The following ANKS1B variants were observed in gnomAD, a reference collection of about 807,000 sequenced individuals.
ANKS1B encodes ankyrin repeat and sterile alpha motif domain-containing protein 1B.
Under a neutral mutation model 148.3 loss-of-function variants are expected in ANKS1B, and 36 were observed. The observed-to-expected ratio is 0.24, with a 90% CI of 0.19 to 0.32. The LOEUF (loss-of-function observed/expected upper bound fraction) is 0.32, where lower values mean the gene tolerates loss of function less well. ANKS1B is among the 10% of genes least tolerant of loss of function. The pLI is 1.00. For synonymous variants in ANKS1B, 542 were observed against 560.8 expected, an observed-to-expected ratio of 0.97 and a Z score of 0.47; for missense variants, 1,157 against 1,542.6, an observed-to-expected ratio of 0.75 and a Z score of 4.19.
chr12:99,484,367 G>A (rs1233702812), intron 10 of ANKS1B, among the ~76,000 whole-genome samples: 1 of 151,684 alleles, frequency 6.6e-6, no homozygotes, highest in African/African-American at 2.4e-5. Context: ...AGACACTTAT[G>A]ATTTCGATTT....
intron 17 of ANKS1B, among the ~76,000 whole-genome samples, chr12:99,042,974 T>C (rs188248303): frequency 1.3e-5 from 2 of 152,340 alleles, no homozygotes; most frequent in East Asian, 3.9e-4. Flanking sequence ...AGACCTTGTG[T>C]TCCCATTTGG....
At chr12:99,461,939 T>G (rs1469675231) in intron 10 of ANKS1B, among the ~76,000 whole-genome samples, 1 of 152,244 alleles carries the variant, frequency 6.6e-6, no homozygotes, top group African/African-American at 2.4e-5. Flanking sequence ...ATCTATTGTT[T>G]AATCCCATCT....
At chr12:98,905,595 C>A (rs890873509) in intron 17 of ANKS1B, among the ~76,000 whole-genome samples, 4 of 151,948 alleles carry the variant, frequency 2.6e-5, no homozygotes, top group Admixed American at 1.3e-4. Flanking sequence ...CATAGCGAGA[C>A]CCCATATCTA....
At chr12:98,778,085 A>G (rs1156488714) in intron 24 of ANKS1B, among the ~76,000 whole-genome samples, 1 of 152,244 alleles carries the variant, frequency 6.6e-6, no homozygotes, top group African/African-American at 2.4e-5. Flanking sequence ...CCAGCTGCCC[A>G]GGGCAGATTA....
intron 9 of ANKS1B, among the ~76,000 whole-genome samples, chr12:99,561,100 C>A (rs1354442992): frequency 6.6e-6 from 1 of 152,060 alleles, no homozygotes; most frequent in South Asian, 2.1e-4. Context: ...CCCGCCTCGG[C>A]CTCCCAAAGT....
chr12:98,875,711 C>T (rs550987600), intron 17 of ANKS1B, among the ~76,000 whole-genome samples: 4 of 152,188 alleles, frequency 2.6e-5, no homozygotes, highest in Admixed American at 1.3e-4. Context: ...ACAGTAGGCC[C>T]GTATGTACAT....
At chr12:99,907,408 T>G (rs1440306603) in intron 1 of ANKS1B, among the ~76,000 whole-genome samples, 4 of 152,190 alleles carry the variant, frequency 2.6e-5, no homozygotes, top group African/African-American at 9.6e-5. Context: ...GTCAAAAGCA[T>G]GACTTGAAAA....
intron 8 of ANKS1B, among the ~76,000 whole-genome samples, chr12:99,688,094 T>G (rs2098659586): frequency 6.6e-6 from 1 of 152,220 alleles, no homozygotes; most frequent in Non-Finnish European, 1.5e-5. Context: ...GCCTTGTATC[T>G]TACAATTTAG....
chr12:99,168,708 G>T (rs541810710), intron 14 of ANKS1B, among the ~76,000 whole-genome samples: 13 of 152,160 alleles, frequency 8.5e-5, no homozygotes, highest in Middle Eastern at 6.8e-3. Context: ...TCTAGGCAGC[G>T]GGAACAGTAA....
intron 17 of ANKS1B, among the ~76,000 whole-genome samples, chr12:98,975,737 C>A (rs1260288339): frequency 1.3e-5 from 2 of 151,976 alleles, no homozygotes; most frequent in African/African-American, 4.8e-5. Flanking sequence ...AAGCCACATG[C>A]CTGGAGAACA....
intron 14 of ANKS1B, among the ~76,000 whole-genome samples, chr12:99,222,664 C>T (rs1051939289): frequency 1.3e-5 from 2 of 152,146 alleles, no homozygotes; most frequent in Non-Finnish European, 2.9e-5. Context: ...ACATCTCATA[C>T]TTTGAAATGT....
At chr12:99,481,169 T>C (rs2096404402) in intron 10 of ANKS1B, among the ~76,000 whole-genome samples, 3 of 151,750 alleles carry the variant, frequency 2.0e-5, no homozygotes, top group African/African-American at 7.3e-5. Flanking sequence ...GTTTGTTTTT[T>C]TATCCCTAGC....
Position 98,744,749 on chromosome 12 carries a change from TCAAA to T in ANKS1B, c.*986_*989del. 1 of 984,568 alleles carries T rather than the reference TCAAA, an allele frequency of 1.0e-6. No homozygotes were observed. Among genetic ancestry groups the T allele is most frequent in the Non-Finnish European group, 1.2e-6 (1 of 829,366 alleles). The allele number at this position is 984,568 out of a possible 1,614,324, so 61.0% of individuals were successfully genotyped here. ...CAATAGAATTTTATTAACACCTTTC[TCAAA>T]CAAGGTTTCCATGACAGAAATCTTG... On this transcript the variant is annotated 3_prime_UTR_variant, in exon 27 of 27. Coordinates refer to ENST00000683438, the MANE Select transcript of ANKS1B (RefSeq NM_001352186.2).
At chr12:98,966,815 C>T (rs183562848) in intron 17 of ANKS1B, among the ~76,000 whole-genome samples, 1,625 of 147,062 alleles carry the variant, frequency 0.011, 31 homozygotes, top group African/African-American at 0.039. Context: ...CGCATGTTCT[C>T]ACTCACAGGT....
At chr12:99,956,517 T>C (rs574742536) in intron 1 of ANKS1B, among the ~76,000 whole-genome samples, 11 of 152,304 alleles carry the variant, frequency 7.2e-5, no homozygotes, top group East Asian at 1.9e-4. Flanking sequence ...ATCTGGGTGA[T>C]AGAATAATGC....
chr12:99,698,579 T>C (rs1236883570), intron 8 of ANKS1B, among the ~76,000 whole-genome samples: 1 of 151,936 alleles, frequency 6.6e-6, no homozygotes, highest in African/African-American at 2.4e-5. Context: ...GAAAAAAAAA[T>C]GCTTTCTACC....
intron 12 of ANKS1B, among the ~76,000 whole-genome samples, chr12:99,310,224 T>C (rs1249102498): frequency 1.3e-5 from 2 of 152,176 alleles, no homozygotes; most frequent in African/African-American, 4.8e-5. Flanking sequence ...ATATACCCTG[T>C]ATCATCTTTC....
chr12:99,921,916 C>G (rs995046554), intron 1 of ANKS1B, among the ~76,000 whole-genome samples: 2 of 152,016 alleles, frequency 1.3e-5, no homozygotes, highest in African/African-American at 4.8e-5. Context: ...AGTATAATTA[C>G]AGCAAGCACT....
At chr12:99,853,553 G>GAGCA (rs938616924) in intron 1 of ANKS1B, among the ~76,000 whole-genome samples, 13 of 152,110 alleles carry the variant, frequency 8.5e-5, no homozygotes, top group African/African-American at 3.1e-4. Context: ...CACATCAAGG[G>GAGCA]AGCACCCTGT....
Sources: gnomAD v4.1 joint callset for allele counts (sites outside exome capture counted in the v4.1 genomes callset) on GRCh38, gnomAD v4.1.1 for gene constraint, MANE v1.5 for transcripts, NCBI Gene and HGNC (gene_info 2026-07-23, HGNC 2026-07-21) for gene names.